The following PLOD1 variants were observed in gnomAD, a reference collection of about 807,000 sequenced individuals.
The protein encoded by PLOD1 is lysine hydroxylase.
In PLOD1, 70 loss-of-function variants were observed where a neutral mutation model predicts 94.7. The observed-to-expected ratio is 0.74, with a 90% confidence interval of 0.61 to 0.90. PLOD1 has a LOEUF of 0.90. PLOD1 is among the 40% of genes least tolerant of loss of function. PLOD1 has a pLI of 0.00. For missense variants in PLOD1, 905 were observed against 972.7 expected, an observed-to-expected ratio of 0.93 and a Z score of 0.93; for synonymous variants, 417 against 400.2, an observed-to-expected ratio of 1.04 and a Z score of -0.50.
intron 1 of PLOD1, among the ~76,000 whole-genome samples, chr1:11,937,922 A>AT (rs1218806419): frequency 0.036 from 3,502 of 97,150 alleles, 263 homozygotes; most frequent in Admixed American, 0.22. Context: ...CCTGTTTTCC[A>AT]TTTTTTTTTT....
chr1:11,934,916 T>A, intron 1 of PLOD1, 61 bp downstream of exon 1: 1 of 1,509,800 alleles, frequency 6.6e-7, no homozygotes, highest in Non-Finnish European at 8.8e-7. Context: ...GGTGTCGGGC[T>A]GCCTCCCTGG....
At chr1:11,970,989 TGA>T (rs1221657845) in intron 17 of PLOD1, among the ~76,000 whole-genome samples, 173 bp downstream of exon 17, 1 of 3,922 alleles carries the variant, frequency 2.5e-4, no homozygotes, top group African/African-American at 1.7e-3. Flanking sequence ...GTAGAGGGAC[TGA>T]GGGGTGGGGA....
rs776894307 is a variant in PLOD1 at position 11,947,981 on chromosome 1, C to A, written c.82C>A (p.Leu28Ile). The A allele has an allele frequency of 2.5e-5, 41 of 1,609,874 alleles. No individual in the cohort carries two copies. The highest frequency in any genetic ancestry group is 3.2e-5 in the Non-Finnish European group (38 of 1,176,236). The change falls in exon 2 of 19, where the codon CTT becomes ATT. Residue 28 changes from leucine to isoleucine, a missense_variant. Physicochemically the swap from Leu to Ile is conservative, Grantham distance 5. Coordinates refer to ENST00000196061, the MANE Select transcript of PLOD1 (RefSeq NM_000302.4). ...AKGDAKPEDN[L>I]LVLTVATKET... ...ATACCCTCCTCTGTCTGCAGACAAC[C>A]TTTTAGTCCTCACGGTGGCCACTAA... is the stretch of plus-strand genomic sequence containing the variant.
intron 1 of PLOD1, among the ~76,000 whole-genome samples, chr1:11,940,410 G>A (rs1569666234): frequency 6.6e-6 from 1 of 152,138 alleles, no homozygotes; most frequent in South Asian, 2.1e-4. Flanking sequence ...CTTTAGGGGA[G>A]GCACCCTGTC....
At chr1:11,973,105 C>A in intron 18 of PLOD1, 108 bp downstream of exon 18, 3 of 1,163,172 alleles carry the variant, frequency 2.6e-6, no homozygotes, top group Non-Finnish European at 3.8e-6. Context: ...GTAACCAGTG[C>A]CAGAGAACCA....
In PLOD1 at chr1:11,934,861, G is replaced by GGA. The variant is rs1645567103; in HGVS notation, c.76+8_76+9dup. On this transcript the variant is annotated splice_region_variant and intron_variant, in intron 1 of 18. Transcript: ENST00000196061. ...GGGCGACGCCAAGCCGGAGGGTGAG[G>GGA]GAGCGAAGGCCGGGGGCGGGAGCGC... The GGA allele has an allele frequency of 3.3e-6, 5 of 1,536,814 alleles. No individual in the cohort carries two copies. Among genetic ancestry groups the GGA allele is most frequent in the Non-Finnish European group, 4.4e-6 (5 of 1,144,888 alleles).
intron 16 of PLOD1, among the ~76,000 whole-genome samples, chr1:11,968,490 C>A (rs982436418): frequency 6.6e-6 from 1 of 151,614 alleles, no homozygotes; most frequent in Non-Finnish European, 1.5e-5. Flanking sequence ...GTACTTCAAG[C>A]CCCAACCCAC....
chr1:11,967,331 T>C (rs1047970832), intron 16 of PLOD1, among the ~76,000 whole-genome samples: 2 of 152,016 alleles, frequency 1.3e-5, no homozygotes, highest in African/African-American at 4.8e-5. Flanking sequence ...GACCGTAAGC[T>C]ACTAGGTTTT....
At chr1:11,965,050 G>A (rs1193897525) in intron 13 of PLOD1, among the ~76,000 whole-genome samples, 2 of 152,018 alleles carry the variant, frequency 1.3e-5, no homozygotes, top group Admixed American at 1.3e-4. Flanking sequence ...TTTTGGAATA[G>A]CCCAAAGAAA....
chr1:11,954,776 C>A, intron 5 of PLOD1, 54 bp from the exon 6 acceptor site: 3 of 1,339,576 alleles, frequency 2.2e-6, no homozygotes, highest in Non-Finnish European at 3.2e-6. Context: ...AGATGTAGCC[C>A]CAGCCTCCCC....
rs766973023 is a variant in PLOD1 at position 11,970,779 on chromosome 1, C to T, written c.1865C>T (p.Pro622Leu). ...AAATTCCTGCTGGAGTACATTGCGC[C>T]CATGACGGAGAAGCTCTACCCCGGC... ...WHKFLLEYIA[P>L]MTEKLYPGYY... The change falls in exon 17 of 19, where the codon CCC (proline) becomes CTC (leucine). Residue 622 changes from proline to leucine, a missense_variant. By Grantham distance (98) the Pro-to-Leu change is moderately conservative (BLOSUM62 -3). Coordinates refer to ENST00000196061, the MANE Select transcript of PLOD1 (RefSeq NM_000302.4). The T allele has an allele frequency of 1.9e-5, 30 of 1,610,022 alleles. No individual in the cohort carries two copies. The highest frequency in any genetic ancestry group is 2.5e-5 in the Non-Finnish European group (29 of 1,179,388).
At position 11,949,159 on chromosome 1, in the gene PLOD1, GAGACAGGCTTT is replaced by G. The variant is rs1569684818; in HGVS notation, c.169-613_169-603del. Among the ~76,000 whole-genome samples the G allele has an allele frequency of 2.0e-5, 3 of 152,290 alleles. No individual in the cohort carries two copies. In the East Asian group the frequency reaches 5.8e-4, roughly 29 times the overall value. ...CCCAGTTTCTCAACTTCAGCAGAAG[GAGACAGGCTTT>G]CCTTTTTAGGAAAGGCCTGCAGACT... On this transcript the variant is annotated intron_variant, in intron 2 of 18. Coordinates refer to ENST00000196061, the MANE Select transcript of PLOD1 (RefSeq NM_000302.4).
At chr1:11,964,327 T>TGTGCCGGGGGGGGGGGGGGGGGGGG in intron 12 of PLOD1, 27 bp downstream of exon 12, 1 of 546,366 alleles carries the variant, frequency 1.8e-6, no homozygotes, top group East Asian at 4.8e-5. Flanking sequence ...TGGGGGTGGG[T>TGTGCCGGGGGGGGGGGGGGGGGGGG]GGGGGACACC....
At chr1:11,964,327 T>TGGGGTGGGGGGGGGGGG in intron 12 of PLOD1, 27 bp downstream of exon 12, 1 of 546,372 alleles carries the variant, frequency 1.8e-6, no homozygotes, top group Non-Finnish European at 3.2e-6. Flanking sequence ...TGGGGGTGGG[T>TGGGGTGGGGGGGGGGGG]GGGGGACACC....
In PLOD1 at chr1:11,934,784, GGCCCCT is replaced by G; in HGVS notation, c.8_13del (p.Pro3_Leu4del). The G allele has an allele frequency of 6.5e-7, 1 of 1,538,130 alleles. No individual in the cohort carries two copies. The highest frequency in any genetic ancestry group is 8.7e-7 in the Non-Finnish European group (1 of 1,145,466). On this transcript the variant is annotated inframe_deletion, in exon 1 of 19. Transcript: ENST00000196061. ...ATCGTCCCCCATACCTCGGCCATGC[GGCCCCT>G]GCTGCTACTGGCCCTGCTGGGCTGG...
chr1:11,970,262 A>T (rs536102842), intron 16 of PLOD1, among the ~76,000 whole-genome samples: 70 of 152,002 alleles, frequency 4.6e-4, no homozygotes, highest in African/African-American at 1.5e-3. Context: ...CACACACAAA[A>T]ATAAAAATAA....
At position 11,958,662 on chromosome 1, in the gene PLOD1, C is replaced by T; in HGVS notation, c.975+15C>T. The stretch of plus-strand genomic sequence containing the variant: ...TCCACAACCACGTGAGTAACAGGCG[C>T]TCTGTGGGGTCGTCATGTGGCTTAG... On this transcript the variant is annotated intron_variant, in intron 9 of 18. Coordinates refer to ENST00000196061, the MANE Select transcript of PLOD1 (RefSeq NM_000302.4). This position sits in a 1 kb window ranked among gnomAD's most constrained non-coding sequence, Gnocchi z 4.3. The T allele has an allele frequency of 1.2e-6, 2 of 1,614,004 alleles. No individual in the cohort carries two copies. Among genetic ancestry groups the T allele is most frequent in the East Asian group, 2.2e-5 (1 of 44,882 alleles).
At position 11,957,708 on chromosome 1, in the gene PLOD1, T is replaced by C. The variant is rs1448672347; in HGVS notation, c.742-134T>C. The C allele has an allele frequency of 3.7e-5, 29 of 774,326 alleles. No homozygotes were observed. The East Asian group carries it at 7.1e-4, about 19-fold the overall frequency. 48.0% of individuals were successfully genotyped at this position (774,326 alleles called of 1,614,324 possible). A position where few individuals can be genotyped will look rare whatever the true frequency, so the allele number is the denominator to read the frequency against. On this transcript the variant is annotated intron_variant, in intron 7 of 18. Transcript: ENST00000196061. The surrounding 1 kb of genome is among the most constrained non-coding windows in gnomAD (Gnocchi z 4.1). ...TGGTGATCTCCTGGGGATGGAGCAT[T>C]ATCTCCAAGACCCTCTTAGGGAGTG...
intron 6 of PLOD1, 39 bp from the exon 7 acceptor site, chr1:11,956,878 G>C: frequency 1.4e-6 from 2 of 1,398,594 alleles, no homozygotes; most frequent in Non-Finnish European, 2.0e-6. Context: ...CTGACCTCTG[G>C]GTCTGATGCT....
Sources: allele counts gnomAD v4.1 joint callset (sites outside exome capture counted in the v4.1 genomes callset), GRCh38; gene constraint gnomAD v4.1.1; non-coding constraint Gnocchi (gnomAD v3.1); transcripts MANE v1.5; gene names NCBI Gene and HGNC (gene_info 2026-07-23, HGNC 2026-07-21).